The following ZNF423 variants were observed in gnomAD, a reference collection of about 807,000 sequenced individuals.
ZNF423 encodes zinc finger protein 423.
ZNF423 carries 12 observed loss-of-function variants against 95.8 expected under a neutral mutation model. The observed-to-expected ratio is 0.13, with a 90% CI of 0.08 to 0.20. The LOEUF is 0.20. Ranked by LOEUF, ZNF423 falls within the 10% of genes least tolerant of loss-of-function variation. The probability of loss-of-function intolerance (pLI) is 1.00; values close to 1 mark genes in which losing one functional copy is unlikely to be tolerated. For synonymous variants in ZNF423, 749 were observed against 711.9 expected, an observed-to-expected ratio of 1.05 and a Z score of -0.83; for missense variants, 1,316 against 1,737.1, an observed-to-expected ratio of 0.76 and a Z score of 4.31.
intron 3 of ZNF423, among the ~76,000 whole-genome samples, chr16:49,724,685 C>T (rs1204792771): frequency 2.0e-5 from 3 of 152,172 alleles, no homozygotes; most frequent in Non-Finnish European, 4.4e-5. Flanking sequence ...AATTGGGGCC[C>T]ACAGGTCACT....
intron 6 of ZNF423, among the ~76,000 whole-genome samples, chr16:49,524,804 G>A (rs1474401838): frequency 6.6e-6 from 1 of 152,234 alleles, no homozygotes; most frequent in African/African-American, 2.4e-5. Flanking sequence ...TGGGCAGCAG[G>A]AGGGGGCCGG....
chr16:49,677,268 G>GAAGAA (rs1567283925), intron 3 of ZNF423, among the ~76,000 whole-genome samples: 1 of 64,422 alleles, frequency 1.6e-5, no homozygotes, highest in East Asian at 6.2e-4. Flanking sequence ...GAAGAGAAGA[G>GAAGAA]AAGAGAAGAG....
At chr16:49,523,447 T>C in intron 7 of ZNF423, among the ~76,000 whole-genome samples, 177 bp downstream of exon 7, 1 of 152,250 alleles carries the variant, frequency 6.6e-6, no homozygotes, top group Non-Finnish European at 1.5e-5. Flanking sequence ...TTGAGAACGC[T>C]GGGCTGGCAG....
At chr16:49,754,465 G>A (rs992517533) in intron 2 of ZNF423, among the ~76,000 whole-genome samples, 2 of 152,214 alleles carry the variant, frequency 1.3e-5, no homozygotes, top group African/African-American at 4.8e-5. Context: ...GCTTTGGAAT[G>A]AGATGAGACT....
At chr16:49,731,104 C>T (rs1410513772) in intron 2 of ZNF423, 133 bp from the exon 3 acceptor site, 2 of 1,039,330 alleles carry the variant, frequency 1.9e-6, no homozygotes, top group East Asian at 2.4e-5. Context: ...TGACACCTCT[C>T]AGTATATTAA....
chr16:49,570,009 G>A lies in ZNF423; in HGVS notation c.3602-44515C>T, dbSNP rs182189465. Among the ~76,000 whole-genome samples the A allele has an allele frequency of 2.4e-4, 36 of 152,292 alleles. No individual in the cohort carries two copies. In the East Asian group the frequency reaches 6.4e-3, roughly 27 times the overall value. ...TAGCACTTGAAGCCATCTGAGGTCT[G>A]CATTCTGACCCTCCTCACCTATGGA... On this transcript the variant is annotated intron_variant, in intron 5 of 7. Transcript: ENST00000563137.
rs568001788 is a variant in ZNF423 at position 49,773,111 on chromosome 16, G to A, written c.100+16376C>T. Among the ~76,000 whole-genome samples the A allele has an allele frequency of 2.0e-5, 3 of 152,290 alleles. No homozygotes were observed. In the South Asian group the frequency reaches 6.2e-4, roughly 32 times the overall value. On this transcript the variant is annotated intron_variant, in intron 2 of 7. Coordinates refer to ENST00000563137, the MANE Select transcript of ZNF423 (RefSeq NM_001379286.1). ...AGGCGAGTGGATCACCTGAGGTCAG[G>A]AGTTCGAGACCAGCCTGGCCAACAT...
intron 7 of ZNF423, chr16:49,517,732 T>A: frequency 3.7e-6 from 1 of 271,562 alleles, no homozygotes; most frequent in Non-Finnish European, 7.2e-6. Flanking sequence ...CTTGGTAATA[T>A]CCTTTCTCCA....
At chr16:49,840,939 G>C (rs554732197) in intron 1 of ZNF423, among the ~76,000 whole-genome samples, 44 of 152,330 alleles carry the variant, frequency 2.9e-4, no homozygotes, top group African/African-American at 1.1e-3. Flanking sequence ...CTGTTTTCTG[G>C]TGGGGTGGGG....
chr16:49,567,046 T>A (rs1361166686), intron 5 of ZNF423, among the ~76,000 whole-genome samples: 1 of 152,156 alleles, frequency 6.6e-6, no homozygotes, highest in Non-Finnish European at 1.5e-5. Flanking sequence ...TGGGCCCAAA[T>A]TGATGACATC....
Position 49,849,412 on chromosome 16 carries a change from A to G in ZNF423, c.40+6323T>C, listed in dbSNP as rs553534981. On this transcript the variant is annotated intron_variant, in intron 1 of 7. Transcript: ENST00000563137. Reference sequence around the variant, plus strand: ...AAGAAAGAAAACTCTGAATTTGCCAACCTCAATGACCCCAAATCCAGAGAA... The same window carrying G: ...AAGAAAGAAAACTCTGAATTTGCCAGCCTCAATGACCCCAAATCCAGAGAA... Among the ~76,000 whole-genome samples, 5 of 152,320 alleles carry G rather than the reference A, an allele frequency of 3.3e-5. 1 individual carries two copies. Among genetic ancestry groups the G allele is most frequent in the Admixed American group, 3.3e-4 (5 of 15,304 alleles).
chr16:49,831,745 C>G (rs537001471), intron 1 of ZNF423, among the ~76,000 whole-genome samples: 33 of 152,236 alleles, frequency 2.2e-4, no homozygotes, highest in South Asian at 6.2e-4. Context: ...AATCCCAGCA[C>G]TTTGGTAGGC....
At chr16:49,646,568 C>CTTTTTTTTT (rs1194511671) in intron 3 of ZNF423, among the ~76,000 whole-genome samples, 2 of 120,718 alleles carry the variant, frequency 1.7e-5, no homozygotes, top group Non-Finnish European at 3.6e-5. Context: ...ATTTTCTTTT[C>CTTTTTTTTT]TTTTTCTTTT....
chr16:49,634,775 A>C (rs1972625610), intron 4 of ZNF423, among the ~76,000 whole-genome samples: 1 of 152,168 alleles, frequency 6.6e-6, no homozygotes, highest in South Asian at 2.1e-4. Context: ...CAAGGGCCAC[A>C]CAGACTCCAG....
chr16:49,626,758 C>G (rs1972290280), intron 4 of ZNF423, among the ~76,000 whole-genome samples: 1 of 151,426 alleles, frequency 6.6e-6, no homozygotes, highest in Non-Finnish European at 1.5e-5. Context: ...TACACACCCA[C>G]CAATAGACCC....
At chr16:49,530,385 C>T (rs1009548242) in intron 5 of ZNF423, among the ~76,000 whole-genome samples, 2 of 151,938 alleles carry the variant, frequency 1.3e-5, no homozygotes, top group African/African-American at 4.8e-5. Flanking sequence ...TCCTGGATAG[C>T]GCTTACTACC....
intron 5 of ZNF423, among the ~76,000 whole-genome samples, chr16:49,543,052 G>T (rs1969308142): frequency 6.6e-6 from 1 of 152,126 alleles, no homozygotes; most frequent in Admixed American, 6.5e-5. Flanking sequence ...TCCAATATTT[G>T]TATTTTGAAT....
intron 1 of ZNF423, among the ~76,000 whole-genome samples, chr16:49,831,811 C>T (rs370211753): frequency 2.0e-5 from 3 of 151,562 alleles, no homozygotes; most frequent in African/African-American, 4.9e-5. Flanking sequence ...GCCAACATGG[C>T]GAAACCCCAT....
chr16:49,508,999 T>G (rs1006690494), intron 7 of ZNF423, among the ~76,000 whole-genome samples: 1 of 152,122 alleles, frequency 6.6e-6, no homozygotes, highest in Non-Finnish European at 1.5e-5. Flanking sequence ...AATACAACCG[T>G]GAAATAAGGC....
Sources: gnomAD v4.1 joint callset for allele counts (sites outside exome capture counted in the v4.1 genomes callset) on GRCh38, gnomAD v4.1.1 for gene constraint, MANE v1.5 for transcripts, NCBI Gene and HGNC (gene_info 2026-07-23, HGNC 2026-07-21) for gene names.